The following CUX1 variants were observed in gnomAD, a reference collection of about 807,000 sequenced individuals.
The protein encoded by CUX1 is protein CASP.
Under a neutral mutation model 158.8 loss-of-function variants are expected in CUX1, and 31 were observed. The observed-to-expected ratio is 0.20, with a 90% CI of 0.15 to 0.26. CUX1 has a LOEUF of 0.26. Ranked by LOEUF, CUX1 falls within the 10% of genes least tolerant of loss-of-function variation. The pLI, the probability that CUX1 is intolerant of heterozygous loss-of-function variation, is 1.00. For missense variants in CUX1, 1,589 were observed against 2,014.6 expected, an observed-to-expected ratio of 0.79 and a Z score of 4.04; for synonymous variants, 879 against 862.1, an observed-to-expected ratio of 1.02 and a Z score of -0.34.
chr7:102,248,792 C>T lies in CUX1; in HGVS notation c.4268C>T (p.Ser1423Leu). ...GCGGCCCCCGAGGACGCCGCTACCT[C>T]AGCCGCCGCCGCGCCGGGGGAGGGC... is the stretch of plus-strand genomic sequence containing the variant. ...APAAPEDAAT[S>L]AAAAPGEGPA... Residue 1423 changes from serine (S) to leucine (L), a missense_variant, in exon 24 of 24, where the codon TCA becomes TTA. Ser to Leu is a moderately radical substitution (Grantham distance 145, BLOSUM62 -2). Transcript: ENST00000292535. This position sits in a 1 kb window ranked among gnomAD's most constrained non-coding sequence, Gnocchi z 5.8. The T allele has an allele frequency of 9.3e-7, 1 of 1,072,174 alleles. No individual in the cohort carries two copies. The highest frequency in any genetic ancestry group is 1.1e-6 in the Non-Finnish European group (1 of 884,946). 66.4% of individuals were successfully genotyped at this position (1,072,174 alleles called of 1,614,324 possible).
intron 2 of CUX1, among the ~76,000 whole-genome samples, chr7:101,936,725 C>T (rs1299683205): frequency 6.6e-6 from 1 of 152,140 alleles, no homozygotes; most frequent in Non-Finnish European, 1.5e-5. Context: ...GCCCTGCCAT[C>T]CCCACCGGCC....
intron 23 of CUX1, among the ~76,000 whole-genome samples, chr7:102,241,325 G>A (rs1304188346): frequency 6.6e-6 from 1 of 152,136 alleles, no homozygotes; most frequent in African/African-American, 2.4e-5. Flanking sequence ...GGCCCTGATG[G>A]AGATCCCTAA....
intron 2 of CUX1, among the ~76,000 whole-genome samples, chr7:101,998,443 C>A (rs993121907): frequency 6.6e-6 from 1 of 152,214 alleles, no homozygotes; most frequent in Non-Finnish European, 1.5e-5. Context: ...CAGGGATACG[C>A]ATCAAAGACC....
At position 102,255,765 on chromosome 7, in the gene CUX1, G is replaced by C. The variant is rs1415325919; in HGVS notation, c.*6723G>C. On this transcript the variant is annotated 3_prime_UTR_variant, in exon 24 of 24. Coordinates refer to ENST00000292535, the MANE Select transcript of CUX1 (RefSeq NM_181552.4). The stretch of plus-strand genomic sequence containing the variant: ...AAGAGACCATTCAGCAAGACACATT[G>C]AAGTGGCACGGAGCTGCTTTTGTTT... 4 of 985,400 alleles carry C rather than the reference G, an allele frequency of 4.1e-6. No individual in the cohort carries two copies. The highest frequency in any genetic ancestry group is 4.8e-6 in the Non-Finnish European group (4 of 829,926). 61.0% of individuals were successfully genotyped at this position (985,400 alleles called of 1,614,324 possible). A position where few individuals can be genotyped will look rare whatever the true frequency, so the allele number is the denominator to read the frequency against.
intron 4 of CUX1, among the ~76,000 whole-genome samples, chr7:102,096,617 G>A (rs1554484241): frequency 6.6e-6 from 1 of 152,116 alleles, no homozygotes; most frequent in East Asian, 1.9e-4. Context: ...GAGGTGGGAG[G>A]ATTGCTTGAG....
chr7:102,152,804 C>A (rs117089636), intron 8 of CUX1, among the ~76,000 whole-genome samples: 2 of 152,162 alleles, frequency 1.3e-5, no homozygotes, highest in Non-Finnish European at 2.9e-5. Context: ...GCAGCCCCTC[C>A]GAGCCTGGCT....
intron 20 of CUX1, among the ~76,000 whole-genome samples, chr7:102,216,779 C>T (rs1797238749): frequency 8.2e-6 from 1 of 121,490 alleles, no homozygotes; most frequent in Non-Finnish European, 1.8e-5. Context: ...CACACACTCT[C>T]CCACACACAC....
Position 102,239,588 on chromosome 7 carries a change from C to T in CUX1, c.3887+4C>T, listed in dbSNP as rs115214660. The T allele has an allele frequency of 9.9e-4, 1,591 of 1,608,368 alleles. 12 individuals carry two copies. In the African/African-American group the frequency reaches 0.018, roughly 18 times the overall value. ...TCAACTGGTTCCACAACTACAGGTACGACGGCTGGCTCACAGGGAGCGCCG... is the reference window on the plus strand; with the variant it reads ...TCAACTGGTTCCACAACTACAGGTATGACGGCTGGCTCACAGGGAGCGCCG... On this transcript the variant is annotated splice_donor_region_variant and intron_variant, in intron 23 of 23. Coordinates refer to ENST00000292535, the MANE Select transcript of CUX1 (RefSeq NM_181552.4).
chr7:101,900,373 C>A (rs564139663), intron 1 of CUX1, among the ~76,000 whole-genome samples: 29 of 152,376 alleles, frequency 1.9e-4, no homozygotes, highest in Admixed American at 1.5e-3. Flanking sequence ...CTCTCTCTGC[C>A]ATACGAGTGT....
chr7:102,155,381 CAAAA>C (rs562482446), intron 8 of CUX1, among the ~76,000 whole-genome samples: 1 of 110,130 alleles, frequency 9.1e-6, no homozygotes, highest in Admixed American at 9.6e-5. Context: ...TTGTCTCTAC[CAAAA>C]AAAAAAAAAA....
intron 9 of CUX1, among the ~76,000 whole-genome samples, chr7:102,159,833 G>A (rs557360157): frequency 1.3e-5 from 2 of 151,648 alleles, no homozygotes; most frequent in East Asian, 3.9e-4. Flanking sequence ...GGGCAACAGA[G>A]CAGAAACTCC....
intron 18 of CUX1, chr7:102,280,000 G>A (rs1586538228): frequency 1.4e-6 from 2 of 1,419,944 alleles, no homozygotes; most frequent in Non-Finnish European, 2.0e-6. Flanking sequence ...GGGCCCCAAG[G>A]CACTGACTGG....
intron 2 of CUX1, among the ~76,000 whole-genome samples, chr7:101,991,453 G>A (rs186450691): frequency 2.0e-5 from 3 of 152,152 alleles, no homozygotes; most frequent in Non-Finnish European, 4.4e-5. Context: ...TGTGATGTCT[G>A]CTTCTTTTAA....
chr7:101,955,653 T>C (rs1809680956), intron 2 of CUX1, among the ~76,000 whole-genome samples: 1 of 152,338 alleles, frequency 6.6e-6, no homozygotes, highest in South Asian at 2.1e-4. Flanking sequence ...TGTGTCTTTC[T>C]GGCTGGCTGT....
intron 12 of CUX1, among the ~76,000 whole-genome samples, chr7:102,192,114 G>A (rs1294083950): frequency 2.0e-5 from 3 of 152,138 alleles, no homozygotes; most frequent in Non-Finnish European, 4.4e-5. Context: ...CTGTGCTCTT[G>A]AGCTCTTGCC....
At position 102,253,920 on chromosome 7, in the gene CUX1, A is replaced by G. The variant is rs1279184517; in HGVS notation, c.*4878A>G. ...GTCCTCCCTCTTCTTCACACTCCTCATTGTCCCTTCTACCTCACTAACCTG... is the reference window on the plus strand; with the variant it reads ...GTCCTCCCTCTTCTTCACACTCCTCGTTGTCCCTTCTACCTCACTAACCTG... On this transcript the variant is annotated 3_prime_UTR_variant, in exon 24 of 24. Coordinates refer to ENST00000292535, the MANE Select transcript of CUX1 (RefSeq NM_181552.4). 3 of 985,316 alleles carry G rather than the reference A, an allele frequency of 3.0e-6. No homozygotes were observed. Among genetic ancestry groups the G allele is most frequent in the Non-Finnish European group, 3.6e-6 (3 of 830,082 alleles). 61.0% of individuals were successfully genotyped at this position (985,316 alleles called of 1,614,324 possible).
At chr7:102,244,340 A>AG (rs1554536128) in intron 23 of CUX1, among the ~76,000 whole-genome samples, 5 of 150,958 alleles carry the variant, frequency 3.3e-5, no homozygotes, top group African/African-American at 4.9e-5. Flanking sequence ...CAAAAAAAAA[A>AG]CCGAGCTTTA....
intron 23 of CUX1, among the ~76,000 whole-genome samples, chr7:102,243,214 C>T (rs1216974084): frequency 6.6e-6 from 1 of 152,092 alleles, no homozygotes; most frequent in East Asian, 1.9e-4. Context: ...GTGGAGGTTG[C>T]AGTGAGCCAT....
intron 3 of CUX1, among the ~76,000 whole-genome samples, chr7:102,067,591 A>T (rs1373591745): frequency 1.3e-5 from 2 of 151,514 alleles, no homozygotes; most frequent in Non-Finnish European, 2.9e-5. Flanking sequence ...TAAAGACCTG[A>T]TAGTCTGACT....
Sources: gnomAD v4.1 joint callset for allele counts (sites outside exome capture counted in the v4.1 genomes callset) on GRCh38, gnomAD v4.1.1 for gene constraint, Gnocchi (gnomAD v3.1) non-coding constraint, MANE v1.5 for transcripts, NCBI Gene and HGNC (gene_info 2026-07-23, HGNC 2026-07-21) for gene names.